TKT: variants seen among roughly 807,000 people sequenced by gnomAD.
TKT encodes transketolase.
Under a neutral mutation model 63.9 loss-of-function variants are expected in TKT, and 47 were observed. The ratio of observed to expected loss-of-function variants is 0.74; its 90% CI spans 0.58 to 0.94. The LOEUF (loss-of-function observed/expected upper bound fraction) is 0.94. TKT is among the 40% of genes least tolerant of loss of function. TKT has a pLI of 0.00. For missense variants in TKT, 721 were observed against 846.2 expected (o/e 0.85, Z 1.84); for synonymous variants, 338 against 334.1 (o/e 1.01, Z -0.13).
chr3:53,234,994 G>A lies in TKT; in HGVS notation c.618C>T (p.Cys206=), dbSNP rs201022137. ...AGCCTCGTACATACCCGAAGGCCTCGCACCGCTTCTGGTAGATGTCCATCT... is the reference window on the plus strand; with the variant it reads ...AGCCTCGTACATACCCGAAGGCCTCACACCGCTTCTGGTAGATGTCCATCT... ...QHQMDIYQKR[C]EAFGWHAIIV... is the part of the protein sequence containing the mutation. Residue 206 remains cysteine (C), a synonymous_variant, in exon 5 of 14, where the codon TGC becomes TGT. Coordinates refer to ENST00000462138, the MANE Select transcript of TKT (RefSeq NM_001064.4). 17 of 1,612,742 alleles carry A rather than the reference G, an allele frequency of 1.1e-5. No homozygotes were observed. The East Asian group carries it at 1.3e-4, about 13-fold the overall frequency.
intron 6 of TKT, 191 bp downstream of exon 6, chr3:53,232,965 C>T (rs528082172): frequency 2.4e-5 from 14 of 577,598 alleles, no homozygotes; most frequent in Admixed American, 6.3e-5. Context: ...AGAGGCCAGA[C>T]GGATCTGAGT....
At chr3:53,238,106 C>G (rs1553679102) in intron 4 of TKT, among the ~76,000 whole-genome samples, 1 of 152,142 alleles carries the variant, frequency 6.6e-6, no homozygotes, top group Admixed American at 6.5e-5. Context: ...CCCCCAGGTA[C>G]AGTCAGGGGC....
intron 1 of TKT, chr3:53,243,448 C>T (rs1705373781): frequency 2.6e-6 from 1 of 382,134 alleles, no homozygotes; most frequent in South Asian, 1.9e-5. Flanking sequence ...AGCCTCCCGC[C>T]CCTCCAATCA....
intron 1 of TKT, among the ~76,000 whole-genome samples, chr3:53,253,567 C>T (rs1705850918): frequency 6.6e-6 from 1 of 152,220 alleles, no homozygotes; most frequent in South Asian, 2.1e-4. Context: ...GGTCAAGAGA[C>T]CAGCCTGGCC....
rs913535418 is a variant in TKT, at chr3:53,255,999, C to T, written c.-57G>A. ...GGACACACAGAGATAGCGGCTGCTCCCGCGGCGACAGGCGGCTGCCGAGGC... is the reference window on the plus strand; with the variant it reads ...GGACACACAGAGATAGCGGCTGCTCTCGCGGCGACAGGCGGCTGCCGAGGC... On this transcript the variant is annotated 5_prime_UTR_variant, in exon 1 of 14. Coordinates refer to ENST00000462138, the MANE Select transcript of TKT (RefSeq NM_001064.4). The T allele has an allele frequency of 5.5e-6, 7 of 1,275,432 alleles. No homozygotes were observed. The African/African-American group carries it at 1.1e-4, about 20-fold the overall frequency. The allele number at this position is 1,275,432 out of a possible 1,614,324, so 79.0% of individuals were successfully genotyped here.
chr3:53,251,767 C>T (rs1705757135), intron 1 of TKT, among the ~76,000 whole-genome samples: 2 of 152,230 alleles, frequency 1.3e-5, no homozygotes, highest in South Asian at 4.1e-4. Context: ...GAGTTCAAGA[C>T]TGCAGGGAGC....
At position 53,225,731 on chromosome 3, in the gene TKT, C is replaced by G. The variant is rs1216428152; in HGVS notation, c.*25G>C. The G allele has an allele frequency of 6.3e-7, 1 of 1,586,180 alleles. No homozygotes were observed. The highest frequency in any genetic ancestry group is 8.6e-7 in the Non-Finnish European group (1 of 1,162,384). On this transcript the variant is annotated 3_prime_UTR_variant, in exon 14 of 14. Coordinates refer to ENST00000462138, the MANE Select transcript of TKT (RefSeq NM_001064.4). ...CCCAGAATCTCAGGAATGTATAGAC[C>G]CCCGCCCCACACTTCATACCCGCCC...
intron 1 of TKT, among the ~76,000 whole-genome samples, chr3:53,248,095 G>T (rs1559659237): frequency 6.6e-6 from 1 of 152,166 alleles, no homozygotes; most frequent in Admixed American, 6.5e-5. Flanking sequence ...GGTAAAAGAA[G>T]AATCTGACTA....
rs372856947 is a variant in TKT, at chr3:53,230,637, T to A, written c.943-16A>T. 53 of 1,613,376 alleles carry A rather than the reference T, an allele frequency of 3.3e-5. No individual in the cohort carries two copies. Among genetic ancestry groups the A allele is most frequent in the Non-Finnish European group, 4.2e-5 (50 of 1,179,760 alleles). On this transcript the variant is annotated splice_polypyrimidine_tract_variant and intron_variant, in intron 7 of 13. Coordinates refer to ENST00000462138, the MANE Select transcript of TKT (RefSeq NM_001064.4). Reference sequence around the variant, plus strand: ...GGGTGGCTATCTGTGAGGAAGAGAGTGGGAAGGCTCTGGACCCCTCTGAGG... The same window carrying A: ...GGGTGGCTATCTGTGAGGAAGAGAGAGGGAAGGCTCTGGACCCCTCTGAGG...
chr3:53,252,635 C>A (rs190680634), intron 1 of TKT, among the ~76,000 whole-genome samples: 1 of 152,090 alleles, frequency 6.6e-6, no homozygotes, highest in Non-Finnish European at 1.5e-5. Flanking sequence ...GGAGGGGTAA[C>A]GGCGGTGAGG....
intron 1 of TKT, chr3:53,243,718 G>T (rs955029429): frequency 4.3e-5 from 19 of 441,570 alleles, no homozygotes; most frequent in African/African-American, 3.8e-4. Context: ...TCAACTGGAG[G>T]CCACCCTAAT....
intron 4 of TKT, 48 bp from the exon 5 acceptor site, chr3:53,235,222 C>T: frequency 6.6e-7 from 1 of 1,515,916 alleles, no homozygotes; most frequent in Non-Finnish European, 8.9e-7. Context: ...CTGGACCCAG[C>T]TGGCTCCCAC....
chr3:53,238,640 G>A (rs1158643378), intron 4 of TKT, among the ~76,000 whole-genome samples: 1 of 152,160 alleles, frequency 6.6e-6, no homozygotes, highest in Non-Finnish European at 1.5e-5. Context: ...CACACCCTGC[G>A]GGCTGGCCCC....
At chr3:53,226,531 TG>T in intron 13 of TKT, 1 of 564,756 alleles carries the variant, frequency 1.8e-6, no homozygotes, top group Non-Finnish European at 3.1e-6. Context: ...ACCAGCTTCC[TG>T]GGCAGCAGGA....
At chr3:53,241,674 G>A (rs978281212) in intron 2 of TKT, among the ~76,000 whole-genome samples, 2 of 152,208 alleles carry the variant, frequency 1.3e-5, no homozygotes, top group South Asian at 2.1e-4. Flanking sequence ...CAGAAGGGGG[G>A]GGTCAGGGGG....
intron 1 of TKT, among the ~76,000 whole-genome samples, chr3:53,251,485 G>A (rs1408358062): frequency 6.6e-6 from 1 of 152,186 alleles, no homozygotes; most frequent in Non-Finnish European, 1.5e-5. Flanking sequence ...TCAACAAAGA[G>A]CCTTCTGTGA....
intron 6 of TKT, 163 bp downstream of exon 6, chr3:53,232,993 C>T: frequency 1.6e-6 from 1 of 629,616 alleles, no homozygotes; most frequent in East Asian, 2.9e-5. Context: ...CTGGCTCAGC[C>T]ACAGGGGTCA....
chr3:53,244,464 T>C (rs1029070516), intron 1 of TKT, among the ~76,000 whole-genome samples: 46 of 152,260 alleles, frequency 3.0e-4, no homozygotes, highest in African/African-American at 1.1e-3. Context: ...CCGCCACCAC[T>C]GCCAACCCTC....
chr3:53,247,378 A>AAT (rs1553681097), intron 1 of TKT, among the ~76,000 whole-genome samples: 26 of 147,554 alleles, frequency 1.8e-4, no homozygotes, highest in Non-Finnish European at 3.0e-4. Flanking sequence ...AAAAAAAAAA[A>AAT]TTTAGAAGAG....
Sources: allele counts gnomAD v4.1 joint callset (sites outside exome capture counted in the v4.1 genomes callset), GRCh38; gene constraint gnomAD v4.1.1; transcripts MANE v1.5; gene names NCBI Gene and HGNC (gene_info 2026-07-23, HGNC 2026-07-21).